COCH: variants seen among roughly 807,000 people sequenced by gnomAD.
COCH encodes the protein coagulation factor C homolog, cochlin (Limulus polyphemus).
A neutral mutation model predicts 54.8 loss-of-function variants in COCH; 40 were observed. That is an observed-to-expected ratio of 0.73 (90% CI 0.57 to 0.95). The LOEUF is 0.95. Among genes scored for constraint, COCH ranks in the 40% least tolerant of loss-of-function variants. The pLI, the probability that COCH is intolerant of heterozygous loss-of-function variation, is 0.00. For missense variants in COCH, 605 were observed against 675.0 expected (o/e 0.90, Z 1.15); for synonymous variants, 256 against 237.9 (o/e 1.08, Z -0.70).
At position 30,876,949 on chromosome 14, in the gene COCH, C is replaced by T. The variant is rs146197660; in HGVS notation, c.83-623C>T. On this transcript the variant is annotated intron_variant, in intron 3 of 11. Coordinates refer to ENST00000396618, the MANE Select transcript of COCH (RefSeq NM_004086.3). ...CAGTGGCGGAGAGTACAGGCATGCA[C>T]CACCACGTGTGGCCATTTAAAAAAA... 3.4e-3 allele frequency among the ~76,000 whole-genome samples: 513 copies of T among 152,010 alleles called. 2 individuals carry two copies. The highest frequency in any genetic ancestry group is 6.8e-3 in the Middle Eastern group (2 of 294).
chr14:30,894,290 A>C (rs925530531), downstream of COCH: 4 of 152,418 alleles, frequency 2.6e-5, no homozygotes, highest in African/African-American at 9.6e-5. Flanking sequence ...ACCAAGATAT[A>C]TATCTTAGGG....
downstream of COCH, chr14:30,890,653 T>C (rs28362787): frequency 0.034 from 28,212 of 827,016 alleles, 561 homozygotes; most frequent in East Asian, 0.082. Flanking sequence ...GTGTCTCCCC[T>C]GAGGATATGG....
chr14:30,887,367 C>T (rs2138883414), intron 11 of COCH, among the ~76,000 whole-genome samples: 1 of 151,272 alleles, frequency 6.6e-6, no homozygotes. Flanking sequence ...GTACTCCAGC[C>T]TGGGCGACAG....
Position 30,890,115 on chromosome 14 carries a change from A to G in COCH, c.*324A>G. 2 of 1,024,896 alleles carry G rather than the reference A, an allele frequency of 2.0e-6. No individual in the cohort carries two copies. The highest frequency in any genetic ancestry group is 2.3e-6 in the Non-Finnish European group (2 of 853,302). 63.5% of individuals were successfully genotyped at this position (1,024,896 alleles called of 1,614,324 possible). A position where few individuals can be genotyped will look rare whatever the true frequency, so the allele number is the denominator to read the frequency against. On this transcript the variant is annotated 3_prime_UTR_variant, in exon 12 of 12. Coordinates refer to ENST00000396618, the MANE Select transcript of COCH (RefSeq NM_004086.3). ...GATATGCAAATTCCATAGCTCAATA[A>G]AAGAATCTGATACTTAGACCAAAAG... is the stretch of plus-strand genomic sequence containing the variant.
At chr14:30,891,662 A>T (rs1168734803), downstream of COCH, among the ~76,000 whole-genome samples, 2 of 152,212 alleles carry the variant, frequency 1.3e-5, no homozygotes, top group African/African-American at 4.8e-5. Flanking sequence ...AAAAACTCTC[A>T]GCTAGGAGTA....
In COCH at chr14:30,888,023, T is replaced by C. The variant is rs553004405; in HGVS notation, c.1478-1593T>C. 5.3e-5 allele frequency among the ~76,000 whole-genome samples: 8 copies of C among 152,254 alleles called. No individual in the cohort carries two copies. The South Asian group carries it at 1.7e-3, about 32-fold the overall frequency. On this transcript the variant is annotated intron_variant, in intron 11 of 11. Transcript: ENST00000396618. ...AATTATCCCTTAGTGATATTGAAAG[T>C]TGCAAAAGCCAGAAAATAGGGTAGG...
At chr14:30,891,130 A>G (rs1895971453), downstream of COCH, among the ~76,000 whole-genome samples, 1 of 152,144 alleles carries the variant, frequency 6.6e-6, no homozygotes, top group Non-Finnish European at 1.5e-5. Flanking sequence ...AAACAGTATA[A>G]GATATTTTTG....
rs768349733 is a variant in COCH at position 30,877,246 on chromosome 14, G to C, written c.83-326G>C. The C allele has an allele frequency of 1.6e-4, 53 of 339,148 alleles. No homozygotes were observed. The highest frequency in any genetic ancestry group is 1.5e-3 in the Admixed American group (35 of 23,376). 21.0% of individuals were successfully genotyped at this position (339,148 alleles called of 1,614,324 possible). Reference sequence around the variant, plus strand: ...GGCACACCTGTAATCCCAGCTACTAGGGAGTTGGAGGTGGATCACTTGAGC... The same window carrying C: ...GGCACACCTGTAATCCCAGCTACTACGGAGTTGGAGGTGGATCACTTGAGC... On this transcript the variant is annotated intron_variant, in intron 3 of 11. Coordinates refer to ENST00000396618, the MANE Select transcript of COCH (RefSeq NM_004086.3). This position sits in a 1 kb window ranked among gnomAD's most constrained non-coding sequence, Gnocchi z 8.6.
Position 30,877,508 on chromosome 14 carries a change from C to G in COCH, c.83-64C>G. ...TAAAACTTAAATCTCACACTGTAGT[C>G]TCCCCACCACTATGCCCCAAGAAGT... On this transcript the variant is annotated intron_variant, in intron 3 of 11. Coordinates refer to ENST00000396618, the MANE Select transcript of COCH (RefSeq NM_004086.3). The surrounding 1 kb of genome is among the most constrained non-coding windows in gnomAD (Gnocchi z 8.6). 6.3e-7 allele frequency: 1 copy of G among 1,591,430 alleles called. No homozygotes were observed. The highest frequency in any genetic ancestry group is 1.7e-5 in the Admixed American group (1 of 59,654).
At chr14:30,884,229 GCT>G (rs1566411748) in intron 8 of COCH, among the ~76,000 whole-genome samples, 1 of 152,170 alleles carries the variant, frequency 6.6e-6, no homozygotes, top group Non-Finnish European at 1.5e-5. Context: ...CTCCCTAAAT[GCT>G]CTGAGACTCA....
rs967679619 is a variant in COCH at position 30,890,415 on chromosome 14, T to A, written c.*624T>A. The A allele has an allele frequency of 1.0e-6, 1 of 980,446 alleles. No individual in the cohort carries two copies. The highest frequency in any genetic ancestry group is 1.2e-6 in the Non-Finnish European group (1 of 825,536). 60.7% of individuals were successfully genotyped at this position (980,446 alleles called of 1,614,324 possible). The stretch of plus-strand genomic sequence containing the variant: ...AATAAGAGAGCAGGATTGCCAGGTA[T>A]TTTTCTATTTCTCTCCTTAATTTTA... On this transcript the variant is annotated 3_prime_UTR_variant, in exon 12 of 12. Coordinates refer to ENST00000396618, the MANE Select transcript of COCH (RefSeq NM_004086.3).
Position 30,886,293 on chromosome 14 carries a change from A to G in COCH, c.1458A>G (p.Ala486=). ...GQSYDDVQGP[A]AAAHDAGITI... Reference sequence around the variant, plus strand: ...CCTATGATGATGTCCAAGGCCCTGCAGCTGCTGCACATGATGCAGGTAAGG... The same window carrying G: ...CCTATGATGATGTCCAAGGCCCTGCGGCTGCTGCACATGATGCAGGTAAGG... Residue 486 remains alanine (A), a synonymous_variant, in exon 11 of 12, where the codon GCA becomes GCG. Transcript: ENST00000396618. 6.2e-7 allele frequency: 1 copy of G among 1,614,186 alleles called. No individual in the cohort carries two copies. Among genetic ancestry groups the G allele is most frequent in the Non-Finnish European group, 8.5e-7 (1 of 1,180,018 alleles).
At chr14:30,885,170 T>A in intron 9 of COCH, 1 of 1,194,550 alleles carries the variant, frequency 8.4e-7, no homozygotes, top group Non-Finnish European at 1.2e-6. Flanking sequence ...GAGGGGGAAC[T>A]AATATGGCTT....
At chr14:30,894,289 T>G (rs918525461), downstream of COCH, 3 of 152,424 alleles carry the variant, frequency 2.0e-5, no homozygotes, top group Non-Finnish European at 4.4e-5. Context: ...AACCAAGATA[T>G]ATATCTTAGG....
At chr14:30,880,121 A>G (rs1895519375) in intron 6 of COCH, among the ~76,000 whole-genome samples, 1 of 152,226 alleles carries the variant, frequency 6.6e-6, no homozygotes, top group Non-Finnish European at 1.5e-5. Context: ...ATTGTAAGAA[A>G]TAGCCAGGGA....
rs149903169 is a variant in COCH, at chr14:30,878,837, C to T, written c.266C>T (p.Pro89Leu). 2.5e-5 allele frequency: 40 copies of T among 1,614,138 alleles called. No individual in the cohort carries two copies. The highest frequency in any genetic ancestry group is 3.2e-5 in the Non-Finnish European group (38 of 1,180,036). The change falls in exon 5 of 12, where the codon CCT becomes CTT. Residue 89 changes from proline (P) to leucine (L), a missense_variant. Physicochemically the swap from Pro to Leu is moderately conservative, Grantham distance 98. Transcript: ENST00000396618. ...HRGVISNSGG[P>L]VRVYSLPGRE... The stretch of plus-strand genomic sequence containing the variant: ...GGAGTAATCAGCAACTCAGGGGGAC[C>T]TGTACGAGTCTATAGCCTACCTGGT...
chr14:30,877,706 A>C lies in COCH; in HGVS notation c.217A>C (p.Ile73Leu), dbSNP rs1566406906. 1.2e-6 allele frequency: 2 copies of C among 1,614,108 alleles called. No individual in the cohort carries two copies. Among genetic ancestry groups the C allele is most frequent in the Admixed American group, 3.3e-5 (2 of 60,008 alleles). ...CATAGTATATGCTTCTGTATCGAGC[A>C]TATGTGGGGCTGCTGTCCACAGGTA... ...GNIVYASVSS[I>L]CGAAVHRGVI... Residue 73 changes from isoleucine to leucine, a missense_variant, in exon 4 of 12, where the codon ATA becomes CTA. By Grantham distance (5) the Ile-to-Leu change is conservative (BLOSUM62 2). Transcript: ENST00000396618. This position sits in a 1 kb window ranked among gnomAD's most constrained non-coding sequence, Gnocchi z 8.6.
chr14:30,893,149 ATTTTT>A (rs754080275), downstream of COCH, among the ~76,000 whole-genome samples: 15 of 91,246 alleles, frequency 1.6e-4, no homozygotes, highest in East Asian at 1.3e-3. Flanking sequence ...AAAAACCACA[ATTTTT>A]TTTTTTTTTT....
Position 30,875,238 on chromosome 14 carries a change from C to T in COCH, c.82+135C>T. The T allele has an allele frequency of 3.2e-6, 4 of 1,239,138 alleles. No individual in the cohort carries two copies. In the South Asian group the frequency reaches 4.3e-5, roughly 13 times the overall value. 76.8% of individuals were successfully genotyped at this position (1,239,138 alleles called of 1,614,324 possible). A position where few individuals can be genotyped will look rare whatever the true frequency, so the allele number is the denominator to read the frequency against. On this transcript the variant is annotated intron_variant, in intron 3 of 11. Transcript: ENST00000396618. ...GGAAGGCGCGAAGGTTGAGCCGCCG[C>T]GTGGCGCGCCCGCGTTAACCCCTGC...
Sources: allele counts gnomAD v4.1 joint callset (sites outside exome capture counted in the v4.1 genomes callset), GRCh38; gene constraint gnomAD v4.1.1; non-coding constraint Gnocchi (gnomAD v3.1); transcripts MANE v1.5; gene names NCBI Gene and HGNC (gene_info 2026-07-23, HGNC 2026-07-21).